Variants in SUGP2 observed in about 807,000 individuals in gnomAD.
SUGP2 encodes SURP and G-patch domain-containing protein 2.
A neutral mutation model predicts 90.5 loss-of-function variants in SUGP2; 24 were observed. That is an observed-to-expected ratio of 0.27 (90% CI 0.19 to 0.37). The LOEUF is 0.37. SUGP2 is among the 10% of genes least tolerant of loss of function. SUGP2 has a pLI of 1.00. For synonymous variants in SUGP2, 473 were observed against 513.4 expected (o/e 0.92, Z 1.06); for missense variants, 1,233 against 1,363.3 (o/e 0.90, Z 1.51).
chr19:18,997,829 C>T (rs929926461), intron 8 of SUGP2, among the ~76,000 whole-genome samples: 19 of 151,376 alleles, frequency 1.3e-4, no homozygotes, highest in Admixed American at 3.3e-4. Context: ...AGCGATACCC[C>T]GAATTATAGC....
intron 2 of SUGP2, among the ~76,000 whole-genome samples, chr19:19,029,959 G>A (rs1360674227): frequency 6.7e-6 from 1 of 149,748 alleles, no homozygotes; most frequent in Non-Finnish European, 1.5e-5. Flanking sequence ...AAAAAAAAAA[G>A]AACTAGTAGA....
rs145701669 is a variant in SUGP2, at chr19:19,025,577, G to A, written c.771C>T (p.Thr257=). 2.6e-4 allele frequency: 415 copies of A among 1,613,884 alleles called. No individual in the cohort carries two copies. Among genetic ancestry groups the A allele is most frequent in the Admixed American group, 3.5e-4 (21 of 59,962 alleles). Residue 257 remains threonine (T), a synonymous_variant, in exon 3 of 11, where the codon ACC becomes ACT. Coordinates refer to ENST00000452918, the MANE Select transcript of SUGP2 (RefSeq NM_001017392.5). ...LRNVSTKKIP[T]VNRITPKTQG... ...GAGTTTTGGGAGTAATACGATTCAC[G>A]GTGGGTATTTTTTTTGTGCTCACAT...
chr19:18,994,914 T>C, intron 9 of SUGP2: 1 of 601,904 alleles, frequency 1.7e-6, no homozygotes, highest in Non-Finnish European at 2.9e-6. Context: ...GTGGCCAAAA[T>C]GACCAGGGCC....
intron 8 of SUGP2, among the ~76,000 whole-genome samples, chr19:18,997,921 T>C (rs2145279578): frequency 6.6e-6 from 1 of 152,130 alleles, no homozygotes; most frequent in Middle Eastern, 3.4e-3. Flanking sequence ...AAGTTCCCTA[T>C]CTACCTAGAA....
rs746165711 is a variant in SUGP2 at position 18,994,482 on chromosome 19, T to C, written c.3133A>G (p.Thr1045Ala). The change falls in exon 10 of 11, where the codon ACC (threonine) becomes GCC (alanine). Residue 1045 changes from threonine to alanine, a missense_variant. By Grantham distance (58) the Thr-to-Ala change is moderately conservative. Around this residue, in one of 8 missense-constraint regions of SUGP2, gnomAD observed 53 missense variants for 55.3 expected, o/e 0.96. Coordinates refer to ENST00000452918, the MANE Select transcript of SUGP2 (RefSeq NM_001017392.5). ...KGIREPVSVGTPSEGEGLGAD... is the reference protein window; with the variant it reads ...KGIREPVSVGAPSEGEGLGAD... ...CCCAACCCTTCCCCTTCCGAGGGGG[T>C]TCCCCTAGGGAGTGAAAAAGAGAGT... 2.5e-6 allele frequency: 4 copies of C among 1,613,562 alleles called. No homozygotes were observed. In the African/African-American group the frequency reaches 4.0e-5, roughly 16 times the overall value.
At chr19:18,997,782 C>CAAAA (rs35875282) in intron 8 of SUGP2, among the ~76,000 whole-genome samples, 70 of 87,500 alleles carry the variant, frequency 8.0e-4, no homozygotes, top group Non-Finnish European at 8.6e-4. Flanking sequence ...GACTCCGTCT[C>CAAAA]AAAAAAAAAA....
rs149041442 is a variant in SUGP2, at chr19:19,008,202, G to A, written c.2450+115C>T. The stretch of plus-strand genomic sequence containing the variant: ...ACCTGTGGTCCCAGCTACTCTGGAG[G>A]CTGAAACAGGAGGATCACTTGAGCC... On this transcript the variant is annotated intron_variant, in intron 6 of 10. Coordinates refer to ENST00000452918, the MANE Select transcript of SUGP2 (RefSeq NM_001017392.5). 209 of 876,582 alleles carry A rather than the reference G, an allele frequency of 2.4e-4. 4 individuals carry two copies. The East Asian group carries it at 5.1e-3, about 21-fold the overall frequency. 54.3% of individuals were successfully genotyped at this position (876,582 alleles called of 1,614,324 possible).
rs1555730830 is a variant in SUGP2 at position 19,005,892 on chromosome 19, C to CACCA, written c.2451-1247_2451-1246insTGGT. Among the ~76,000 whole-genome samples the CACCA allele has an allele frequency of 6.0e-4, 12 of 19,926 alleles. No homozygotes were observed. In the East Asian group the frequency reaches 0.015, roughly 26 times the overall value. The allele number at this position is 19,926 out of a possible 152,430, so 13.1% of individuals were successfully genotyped here. On this transcript the variant is annotated intron_variant, in intron 6 of 10. Transcript: ENST00000452918. The stretch of plus-strand genomic sequence containing the variant: ...ACACACACACACACACACACACACA[C>CACCA]CACACACACACACCACACACACATA...
chr19:19,031,193 A>G, intron 1 of SUGP2, 111 bp from the exon 2 acceptor site: 1 of 1,173,884 alleles, frequency 8.5e-7, no homozygotes, highest in Non-Finnish European at 1.2e-6. Context: ...GGATCACCTG[A>G]GCTCAGGAGT....
intron 4 of SUGP2, 82 bp downstream of exon 4, chr19:19,019,027 G>T: frequency 1.4e-6 from 2 of 1,470,752 alleles, no homozygotes; most frequent in Non-Finnish European, 1.9e-6. Context: ...CTCACCCTCT[G>T]CTCTCAATAC....
chr19:19,001,565 T>C (rs774139716), intron 8 of SUGP2, 48 bp downstream of exon 8: 2 of 1,590,752 alleles, frequency 1.3e-6, no homozygotes, highest in Non-Finnish European at 1.7e-6. Flanking sequence ...CTCCAACAAA[T>C]TCTAACCAAC....
chr19:19,029,452 T>C (rs2059061487), intron 2 of SUGP2, among the ~76,000 whole-genome samples: 1 of 147,466 alleles, frequency 6.8e-6, no homozygotes, highest in African/African-American at 2.5e-5. Context: ...TCTTTTTTTT[T>C]TTTTGAGATG....
intron 3 of SUGP2, among the ~76,000 whole-genome samples, chr19:19,021,159 C>CAAAAAAAAAAAAAAAA (rs386388689): frequency 1.5e-5 from 1 of 66,964 alleles, no homozygotes; most frequent in African/African-American, 6.2e-5. Context: ...AATTCCATCT[C>CAAAAAAAAAAAAAAAA]AAAAAAAAAA....
rs1368437480 is a variant in SUGP2 at position 19,033,512 on chromosome 19, G to A, written c.-87C>T. 3 of 1,404,444 alleles carry A rather than the reference G, an allele frequency of 2.1e-6. No homozygotes were observed. The highest frequency in any genetic ancestry group is 2.8e-6 in the Non-Finnish European group (3 of 1,078,334). The allele number at this position is 1,404,444 out of a possible 1,614,324, so 87.0% of individuals were successfully genotyped here. On this transcript the variant is annotated 5_prime_UTR_variant, in exon 1 of 11. Coordinates refer to ENST00000452918, the MANE Select transcript of SUGP2 (RefSeq NM_001017392.5). ...ACCCGCCGCCGCCGCCGCGCGAGGC[G>A]GGGACATGCAAATGAACCAACGGTC... is the stretch of plus-strand genomic sequence containing the variant.
At chr19:18,994,725 C>A (rs2057503911) in intron 9 of SUGP2, 5 of 565,084 alleles carry the variant, frequency 8.8e-6, no homozygotes, top group Non-Finnish European at 1.6e-5. Context: ...CCTTACCCAG[C>A]AGGAACTAAG....
At chr19:19,018,260 A>C (rs1471636716) in intron 4 of SUGP2, among the ~76,000 whole-genome samples, 1 of 152,100 alleles carries the variant, frequency 6.6e-6, no homozygotes, top group African/African-American at 2.4e-5. Flanking sequence ...TGAACTCAGG[A>C]GACGGAGGTT....
At chr19:19,030,915 CA>C in intron 2 of SUGP2, 35 bp downstream of exon 2, 1 of 1,592,636 alleles carries the variant, frequency 6.3e-7, no homozygotes, top group South Asian at 1.2e-5. Context: ...ACACCCCTAC[CA>C]AAACAACAAC....
intron 4 of SUGP2, among the ~76,000 whole-genome samples, chr19:19,018,081 T>C (rs2145594998): frequency 6.6e-6 from 1 of 151,940 alleles, no homozygotes; most frequent in South Asian, 2.1e-4. Context: ...CCATCTCTAC[T>C]AAAAATACAC....
chr19:19,004,598 T>C lies in SUGP2; in HGVS notation c.2499A>G (p.Lys833=). The change falls in exon 7 of 11, where the codon AAA becomes AAG. Residue 833 remains lysine (K), a synonymous_variant. Coordinates refer to ENST00000452918, the MANE Select transcript of SUGP2 (RefSeq NM_001017392.5). ...AAATTGATGGACATAGTTCAAACAC[T>C]TTCTTTCGATAGAATTTGAAAGCAG... ...NSSAFKFYRK[K]VFELCPSICF... 6.2e-7 allele frequency: 1 copy of C among 1,613,088 alleles called. No individual in the cohort carries two copies. The highest frequency in any genetic ancestry group is 2.2e-5 in the East Asian group (1 of 44,852).
Sources: allele counts gnomAD v4.1 joint callset (sites outside exome capture counted in the v4.1 genomes callset), GRCh38; gene constraint gnomAD v4.1.1; regional missense constraint gnomAD v4.1.1; transcripts MANE v1.5; gene names NCBI Gene and HGNC (gene_info 2026-07-23, HGNC 2026-07-21).